The following PAG1 variants were observed in gnomAD, a reference collection of about 807,000 sequenced individuals.
PAG1 encodes the protein phosphoprotein membrane anchor with glycosphingolipid microdomains 1, also known as phosphoprotein associated with glycosphingolipid-enriched microdomains 1.
PAG1 carries 23 observed loss-of-function variants against 31.7 expected under a neutral mutation model. The ratio of observed to expected loss-of-function variants is 0.73; its 90% CI spans 0.52 to 1.03. PAG1 has a LOEUF of 1.03. PAG1 is among the 50% of genes least tolerant of loss of function. The pLI is 0.00. For synonymous variants in PAG1, 214 were observed against 210.3 expected (o/e 1.02, Z -0.15); for missense variants, 473 against 540.7 (o/e 0.87, Z 1.24).
At chr8:81,005,064 C>A (rs1456203433) in intron 3 of PAG1, among the ~76,000 whole-genome samples, 1 of 152,154 alleles carries the variant, frequency 6.6e-6, no homozygotes, top group East Asian at 1.9e-4. Flanking sequence ...CACATGCATT[C>A]AAAATCACAC....
At chr8:81,079,178 T>C (rs1326804994) in intron 1 of PAG1, among the ~76,000 whole-genome samples, 1 of 151,986 alleles carries the variant, frequency 6.6e-6, no homozygotes, top group East Asian at 1.9e-4. Flanking sequence ...TTCCCCCCCT[T>C]ACTTCCTATC....
At chr8:80,992,893 C>T (rs992962088) in intron 4 of PAG1, among the ~76,000 whole-genome samples, 1 of 152,126 alleles carries the variant, frequency 6.6e-6, no homozygotes, top group African/African-American at 2.4e-5. Flanking sequence ...CTAGTTGCTC[C>T]CTAGCAAAAC....
chr8:81,085,310 G>T (rs2131033295), intron 1 of PAG1, among the ~76,000 whole-genome samples: 1 of 152,312 alleles, frequency 6.6e-6, no homozygotes, highest in African/African-American at 2.4e-5. Flanking sequence ...CCATTCTGGA[G>T]ATTTAGCAAA....
At chr8:80,991,616 C>A in intron 4 of PAG1, 86 bp from the exon 5 acceptor site, 2 of 900,964 alleles carry the variant, frequency 2.2e-6, no homozygotes, top group Admixed American at 1.8e-5. Flanking sequence ...CAATTCTTAT[C>A]AGCTTTTAAA....
At position 80,976,808 on chromosome 8, in the gene PAG1, T is replaced by C; in HGVS notation, c.1035A>G (p.Gln345=). Residue 345 remains glutamine (Q), a synonymous_variant, in exon 9 of 9, where the codon CAA becomes CAG. Coordinates refer to ENST00000220597, the MANE Select transcript of PAG1 (RefSeq NM_018440.4). ...AGGAGGGTGACCTCTGTGGGTCCCC[T>C]TGAATGGAGGTGTAGGTGGACTCCG... ...TVPESTYTSI[Q]GDPQRSPSSC... 6.2e-7 allele frequency: 1 copy of C among 1,614,128 alleles called. No individual in the cohort carries two copies. Among genetic ancestry groups the C allele is most frequent in the Non-Finnish European group, 8.5e-7 (1 of 1,179,976 alleles).
Position 80,985,151 on chromosome 8 carries a change from C to T in PAG1, c.501G>A (p.Lys167=), listed in dbSNP as rs1387239563. Residue 167 remains lysine, a synonymous_variant, in exon 7 of 9, where the codon AAG becomes AAA. Transcript: ENST00000220597. The stretch of plus-strand genomic sequence containing the variant: ...CCATGTTTTCTTGGGAGGAGCTGTC[C>T]TTGAGCACTTCATAGGGCCCTTCCA... ...LGMEGPYEVL[K]DSSSQENMVE... is the part of the protein sequence containing the mutation. 1 of 1,613,996 alleles carries T rather than the reference C, an allele frequency of 6.2e-7. No individual in the cohort carries two copies. Among genetic ancestry groups the T allele is most frequent in the Admixed American group, 1.7e-5 (1 of 59,990 alleles).
chr8:81,094,957 G>A (rs561566363), intron 1 of PAG1, among the ~76,000 whole-genome samples: 1 of 152,276 alleles, frequency 6.6e-6, no homozygotes, highest in Non-Finnish European at 1.5e-5. Flanking sequence ...CTGGAAGCTA[G>A]GAAAAATACG....
intron 1 of PAG1, among the ~76,000 whole-genome samples, chr8:81,090,953 C>T (rs1383516809): frequency 6.6e-6 from 1 of 152,152 alleles, no homozygotes; most frequent in African/African-American, 2.4e-5. Flanking sequence ...TTCTCCCTGG[C>T]AGGAGGGTGG....
chr8:81,095,767 A>G (rs1387673184), intron 1 of PAG1, among the ~76,000 whole-genome samples: 1 of 152,190 alleles, frequency 6.6e-6, no homozygotes, highest in African/African-American at 2.4e-5. Context: ...TGCCCCCTTA[A>G]TTAATTATTG....
At chr8:81,030,692 G>A (rs528400595) in intron 2 of PAG1, among the ~76,000 whole-genome samples, 17 of 152,278 alleles carry the variant, frequency 1.1e-4, no homozygotes, top group East Asian at 3.9e-4. Flanking sequence ...GACTTCCCTC[G>A]CTCTCCCTCC....
chr8:81,001,827 C>T (rs941784639), intron 3 of PAG1, among the ~76,000 whole-genome samples: 47 of 152,174 alleles, frequency 3.1e-4, no homozygotes, highest in Non-Finnish European at 3.5e-4. Flanking sequence ...TAACACACTG[C>T]CCAGCATGCT....
rs187977707 is a variant in PAG1, at chr8:81,047,763, C to A, written c.-174-17674G>T. 1.4e-3 allele frequency among the ~76,000 whole-genome samples: 210 copies of A among 152,272 alleles called. 1 individual carries two copies. Among genetic ancestry groups the A allele is most frequent in the African/African-American group, 4.9e-3 (204 of 41,554 alleles). ...AGCTTCTCTCTGCAACATATCCTTA[C>A]ATAGGTCATACACTCAGGAAATTAT... On this transcript the variant is annotated intron_variant, in intron 2 of 8. Coordinates refer to ENST00000220597, the MANE Select transcript of PAG1 (RefSeq NM_018440.4).
intron 1 of PAG1, among the ~76,000 whole-genome samples, chr8:81,084,032 C>T (rs1809311687): frequency 6.8e-6 from 1 of 146,072 alleles, no homozygotes; most frequent in Non-Finnish European, 1.5e-5. Flanking sequence ...GAGACTCCAT[C>T]TTAGAAAAAA....
At chr8:81,049,496 A>C (rs1050417104) in intron 2 of PAG1, among the ~76,000 whole-genome samples, 1 of 152,208 alleles carries the variant, frequency 6.6e-6, no homozygotes, top group Non-Finnish European at 1.5e-5. Flanking sequence ...ATTATACCTA[A>C]ATAAATATAG....
intron 1 of PAG1, among the ~76,000 whole-genome samples, chr8:81,102,622 G>A (rs895804956): frequency 6.6e-6 from 1 of 152,110 alleles, no homozygotes; most frequent in Non-Finnish European, 1.5e-5. Context: ...AACATTCTAT[G>A]TACTTTTCAT....
Position 81,112,065 on chromosome 8 carries a change from G to C in PAG1, c.-708C>G, listed in dbSNP as rs1809786024. ...CCAGCACTCGCCGCCGCGCCGCGGA[G>C]AATGACAGGCGCCGAGGCGGAGCAG... On this transcript the variant is annotated 5_prime_UTR_variant, in exon 1 of 9. Coordinates refer to ENST00000220597, the MANE Select transcript of PAG1 (RefSeq NM_018440.4). 6.6e-6 allele frequency: 1 copy of C among 152,152 alleles called. No individual in the cohort carries two copies. Among genetic ancestry groups the C allele is most frequent in the Non-Finnish European group, 1.5e-5 (1 of 68,030 alleles). 9.4% of individuals were successfully genotyped at this position (152,152 alleles called of 1,614,324 possible).
chr8:81,036,204 G>A lies in PAG1; in HGVS notation c.-174-6115C>T, dbSNP rs144273173. ...TGCATTTATACAGTTTTACTCATGT[G>A]AGGCCTAATGTGGACTAAGACTGGA... On this transcript the variant is annotated intron_variant, in intron 2 of 8. Coordinates refer to ENST00000220597, the MANE Select transcript of PAG1 (RefSeq NM_018440.4). Among the ~76,000 whole-genome samples, 296 of 152,224 alleles carry A rather than the reference G, an allele frequency of 1.9e-3. 2 individuals are homozygous for A. Among genetic ancestry groups the A allele is most frequent in the African/African-American group, 6.7e-3 (277 of 41,536 alleles).
chr8:81,067,310 C>T (rs568445007), intron 2 of PAG1, among the ~76,000 whole-genome samples: 10 of 152,232 alleles, frequency 6.6e-5, no homozygotes, highest in Non-Finnish European at 1.5e-5. Flanking sequence ...TTCCAACTAT[C>T]GTGACTATGT....
In PAG1 at chr8:80,973,940, G is replaced by A. The variant is rs1398757375; in HGVS notation, c.*2604C>T. The A allele has an allele frequency of 2.0e-5, 3 of 152,206 alleles. No homozygotes were observed. Among genetic ancestry groups the A allele is most frequent in the Admixed American group, 6.5e-5 (1 of 15,300 alleles). The allele number at this position is 152,206 out of a possible 1,614,324, so 9.4% of individuals were successfully genotyped here. A position where few individuals can be genotyped will look rare whatever the true frequency, so the allele number is the denominator to read the frequency against. Reference sequence around the variant, plus strand: ...CTGTGCTACCATCTATTCTTTTAGCGTTTATGCTGGAGGGCCTTATAGTTC... The same window carrying A: ...CTGTGCTACCATCTATTCTTTTAGCATTTATGCTGGAGGGCCTTATAGTTC... On this transcript the variant is annotated 3_prime_UTR_variant, in exon 9 of 9. Transcript: ENST00000220597.
Sources: gnomAD v4.1 joint callset for allele counts (sites outside exome capture counted in the v4.1 genomes callset) on GRCh38, gnomAD v4.1.1 for gene constraint, MANE v1.5 for transcripts, NCBI Gene and HGNC (gene_info 2026-07-23, HGNC 2026-07-21) for gene names.